The following MON1A variants were observed in gnomAD, a reference collection of about 807,000 sequenced individuals.
MON1A encodes the protein MON1 vesicular trafficking associated A.
A neutral mutation model predicts 44.6 loss-of-function variants in MON1A; 29 were observed. That is an observed-to-expected ratio of 0.65 (90% CI 0.48 to 0.89). The LOEUF (loss-of-function observed/expected upper bound fraction) is 0.89, where lower values mean the gene tolerates loss of function less well. Ranked by LOEUF, MON1A falls within the 40% of genes least tolerant of loss-of-function variation. MON1A has a pLI of 0.00. For synonymous variants in MON1A, 275 were observed against 316.4 expected, an observed-to-expected ratio of 0.87 and a Z score of 1.39; for missense variants, 615 against 759.6, an observed-to-expected ratio of 0.81 and a Z score of 2.24.
intron 1 of MON1A, among the ~76,000 whole-genome samples, chr3:49,923,050 C>T (rs902183070): frequency 2.5e-4 from 37 of 150,184 alleles, no homozygotes; most frequent in Admixed American, 2.0e-3. Context: ...GGTGAAAAAC[C>T]GTGGAGTCAG....
rs1160388783 is a variant in MON1A at position 49,910,364 on chromosome 3, G to T, written c.1134C>A (p.Phe378Leu). 1 of 1,614,246 alleles carries T rather than the reference G, an allele frequency of 6.2e-7. No homozygotes were observed. The highest frequency in any genetic ancestry group is 8.5e-7 in the Non-Finnish European group (1 of 1,180,048). ...CLPKFNAAGF[F>L]HAHISYLEPD... The stretch of plus-strand genomic sequence containing the variant: ...GCTCTAGGTAAGAGATGTGTGCGTG[G>T]AAGAAGCCGGCTGCGTTGAATTTGG... Residue 378 changes from phenylalanine to leucine, a missense_variant, in exon 4 of 6, where the codon TTC becomes TTA. Transcript: ENST00000296473. The surrounding 1 kb of genome is among the most constrained non-coding windows in gnomAD (Gnocchi z 8.0).
intron 1 of MON1A, among the ~76,000 whole-genome samples, chr3:49,922,337 C>A (rs1438790643): frequency 6.6e-6 from 1 of 151,368 alleles, no homozygotes; most frequent in Non-Finnish European, 1.5e-5. Flanking sequence ...TCCCAGCTAC[C>A]CCGGGAGGCT....
chr3:49,917,236 A>G (rs1351954172), intron 1 of MON1A, among the ~76,000 whole-genome samples: 1 of 152,232 alleles, frequency 6.6e-6, no homozygotes, highest in Non-Finnish European at 1.5e-5. Flanking sequence ...TCCTGGGATT[A>G]CAGCTGTGAG....
rs200994630 is a variant in MON1A, at chr3:49,909,210, C to G, written c.1527+43G>C. 1.9e-6 allele frequency: 3 copies of G among 1,613,394 alleles called. No individual in the cohort carries two copies. The highest frequency in any genetic ancestry group is 2.7e-5 in the African/African-American group (2 of 75,012). On this transcript the variant is annotated intron_variant, in intron 5 of 5. Coordinates refer to ENST00000296473, the MANE Select transcript of MON1A (RefSeq NM_032355.4). The surrounding 1 kb of genome is among the most constrained non-coding windows in gnomAD (Gnocchi z 4.0). ...GTTAGAGGCCCCTCATGGCCCATACCTAGGACCTCCATAAAGCCCAGCCCA... is the reference window on the plus strand; with the variant it reads ...GTTAGAGGCCCCTCATGGCCCATACGTAGGACCTCCATAAAGCCCAGCCCA...
Position 49,913,300 on chromosome 3 carries a change from C to T in MON1A, c.47G>A (p.Gly16Asp), listed in dbSNP as rs1215427174. The T allele has an allele frequency of 6.2e-7, 1 of 1,613,972 alleles. No individual in the cohort carries two copies. Among genetic ancestry groups the T allele is most frequent in the African/African-American group, 1.3e-5 (1 of 75,036 alleles). ...QRKRSSECLD[G>D]TLTPSDGQSM... ...CTGTCCATCAGAAGGAGTCAATGTG[C>T]CATCAAGGCATTCGCTGCTTCTCTT... Residue 16 changes from glycine to aspartate, a missense_variant, in exon 2 of 6, where the codon GGC (glycine) becomes GAC (aspartate). By Grantham distance (94) the Gly-to-Asp change is moderately conservative (BLOSUM62 -1). Coordinates refer to ENST00000296473, the MANE Select transcript of MON1A (RefSeq NM_032355.4).
intron 1 of MON1A, among the ~76,000 whole-genome samples, chr3:49,918,659 G>A (rs1056442793): frequency 1.3e-5 from 2 of 151,172 alleles, no homozygotes; most frequent in African/African-American, 4.9e-5. Context: ...TGATCCACCC[G>A]CCTCAGTCCC....
intron 1 of MON1A, among the ~76,000 whole-genome samples, chr3:49,927,767 G>A (rs1407372862): frequency 6.6e-6 from 1 of 152,044 alleles, no homozygotes; most frequent in African/African-American, 2.4e-5. Flanking sequence ...CAGGTATGGT[G>A]GCAGGCGCCT....
At position 49,910,487 on chromosome 3, in the gene MON1A, G is replaced by C. The variant is rs750192605; in HGVS notation, c.1011C>G (p.Asp337Glu). Residue 337 changes from aspartate (D) to glutamate (E), a missense_variant, in exon 4 of 6, where the codon GAC (aspartate) becomes GAG (glutamate). By Grantham distance (45) the Asp-to-Glu change is conservative. Coordinates refer to ENST00000296473, the MANE Select transcript of MON1A (RefSeq NM_032355.4). The surrounding 1 kb of genome is among the most constrained non-coding windows in gnomAD (Gnocchi z 8.0). ...GCAGGTCGATGGGGTGCAGAAATTG[G>C]TCCTTTCGGCGCACGAGTGCCACGA... is the stretch of plus-strand genomic sequence containing the variant. ...NQLVALVRRKDQFLHPIDLHL... is the reference protein window; with the variant it reads ...NQLVALVRRKEQFLHPIDLHL... 1 of 1,614,092 alleles carries C rather than the reference G, an allele frequency of 6.2e-7. No homozygotes were observed. The highest frequency in any genetic ancestry group is 8.5e-7 in the Non-Finnish European group (1 of 1,179,980).
At chr3:49,913,178 G>A in intron 2 of MON1A, 42 bp downstream of exon 2, 1 of 1,614,032 alleles carries the variant, frequency 6.2e-7, no homozygotes, top group East Asian at 2.2e-5. Context: ...CCTGGAGACT[G>A]CTCTGGTTGG....
In MON1A at chr3:49,911,611, C is replaced by T; in HGVS notation, c.528G>A (p.Glu176=). 1 of 1,614,136 alleles carries T rather than the reference C, an allele frequency of 6.2e-7. No individual in the cohort carries two copies. The highest frequency in any genetic ancestry group is 8.5e-7 in the Non-Finnish European group (1 of 1,179,986). ...KPVYSRYGSE[E]ALSSTMGVMV... ...TAACACCCATAGTGCTGGAAAGTGCCTCCTCAGACCCATAGCGGGAGTACA... is the reference window on the plus strand; with the variant it reads ...TAACACCCATAGTGCTGGAAAGTGCTTCCTCAGACCCATAGCGGGAGTACA... The change falls in exon 3 of 6, where the codon GAG becomes GAA. Residue 176 remains glutamate (E), a synonymous_variant. Transcript: ENST00000296473. The surrounding 1 kb of genome is among the most constrained non-coding windows in gnomAD (Gnocchi z 5.7).
rs530504616 is a variant in MON1A at position 49,909,354 on chromosome 3, G to A, written c.1426C>T (p.Leu476=). The stretch of plus-strand genomic sequence containing the variant: ...TGCAAGTACTGGTAGAGGCCCAGCA[G>A]CCGCTCCTGCTCCTCTTCACTGGTG... ...PYTSEEEQER[L]LGLYQYLHSR... Residue 476 remains leucine (L), a synonymous_variant, in exon 5 of 6, where the codon CTG becomes TTG. Transcript: ENST00000296473. This position sits in a 1 kb window ranked among gnomAD's most constrained non-coding sequence, Gnocchi z 4.0. 4.3e-6 allele frequency: 7 copies of A among 1,614,072 alleles called. No individual in the cohort carries two copies. In the South Asian group the frequency reaches 7.7e-5, roughly 18 times the overall value.
Position 49,911,980 on chromosome 3 carries a change from A to G in MON1A, c.159T>C (p.His53=), listed in dbSNP as rs752747491. 20 of 1,602,076 alleles carry G rather than the reference A, an allele frequency of 1.2e-5. No individual in the cohort carries two copies. Among genetic ancestry groups the G allele is most frequent in the East Asian group, 8.9e-5 (4 of 44,764 alleles). ...GAGQEGAMFV[H]ARSYEDLTES... is the part of the protein sequence containing the mutation. Reference sequence around the variant, plus strand: ...CAGTCAGGTCCTCGTAGGAACGGGCATGGACGAACATGGCACCCTCCTGGC... The same window carrying G: ...CAGTCAGGTCCTCGTAGGAACGGGCGTGGACGAACATGGCACCCTCCTGGC... The change falls in exon 3 of 6, where the codon CAT becomes CAC. Residue 53 remains histidine, a synonymous_variant. Transcript: ENST00000296473. This position sits in a 1 kb window ranked among gnomAD's most constrained non-coding sequence, Gnocchi z 5.7.
At chr3:49,913,455 A>AT in intron 1 of MON1A, 96 bp from the exon 2 acceptor site, 1 of 1,138,278 alleles carries the variant, frequency 8.8e-7, no homozygotes. Context: ...CTTTATCAGG[A>AT]CTCCACTAAC....
chr3:49,912,112 G>T lies in MON1A; in HGVS notation c.128-101C>A. On this transcript the variant is annotated intron_variant, in intron 2 of 5. Coordinates refer to ENST00000296473, the MANE Select transcript of MON1A (RefSeq NM_032355.4). ...TCACTCCAGCATGACTGCCTGTCTT[G>T]TTAGGATCAAGCCACTGTTCCCTTC... 3 of 1,395,762 alleles carry T rather than the reference G, an allele frequency of 2.1e-6. No individual in the cohort carries two copies. In the South Asian group the frequency reaches 4.3e-5, roughly 20 times the overall value. The allele number at this position is 1,395,762 out of a possible 1,614,324, so 86.5% of individuals were successfully genotyped here. A position where few individuals can be genotyped will look rare whatever the true frequency, so the allele number is the denominator to read the frequency against.
chr3:49,920,814 G>GCAATAAGA (rs1208825929), intron 1 of MON1A: 1 of 151,244 alleles, frequency 6.6e-6, no homozygotes. Context: ...CTCTAGCCTG[G>GCAATAAGA]GTAGCAGAGC....
At chr3:49,917,785 G>A (rs1361947123) in intron 1 of MON1A, among the ~76,000 whole-genome samples, 1 of 151,104 alleles carries the variant, frequency 6.6e-6, no homozygotes, top group African/African-American at 2.4e-5. Context: ...GGTGGCTCAC[G>A]CCTGTAATCC....
intron 1 of MON1A, among the ~76,000 whole-genome samples, chr3:49,915,160 T>C (rs985627338): frequency 3.9e-5 from 6 of 152,240 alleles, no homozygotes; most frequent in African/African-American, 7.2e-5. Flanking sequence ...ATGAAAGAAC[T>C]GATACTGAGA....
At position 49,909,992 on chromosome 3, in the gene MON1A, G is replaced by A. The variant is rs1224759539; in HGVS notation, c.1379+127C>T. On this transcript the variant is annotated intron_variant, in intron 4 of 5. Transcript: ENST00000296473. This position sits in a 1 kb window ranked among gnomAD's most constrained non-coding sequence, Gnocchi z 4.0. ...CTGGTGCCAGAGTAAAACAGGCCCA[G>A]CACACTGGTCTGCTTCCAAAGGTAG... 2.8e-6 allele frequency: 3 copies of A among 1,080,814 alleles called. No homozygotes were observed. Among genetic ancestry groups the A allele is most frequent in the African/African-American group, 1.6e-5 (1 of 63,336 alleles). The allele number at this position is 1,080,814 out of a possible 1,614,324, so 67.0% of individuals were successfully genotyped here. A position where few individuals can be genotyped will look rare whatever the true frequency, so the allele number is the denominator to read the frequency against.
rs967100936 is a variant in MON1A, at chr3:49,911,235, TAGATAGATAG to T, written c.613+281_613+290del. ...ATAGATAGATAGATAGATAGATAGA[TAGATAGATAG>T]AGTTTGTTGTTGTTGTTGTTGTTGC... On this transcript the variant is annotated intron_variant, in intron 3 of 5. Coordinates refer to ENST00000296473, the MANE Select transcript of MON1A (RefSeq NM_032355.4). This position sits in a 1 kb window ranked among gnomAD's most constrained non-coding sequence, Gnocchi z 5.7. Among the ~76,000 whole-genome samples the T allele has an allele frequency of 8.3e-6, 1 of 120,636 alleles. No homozygotes were observed. The highest frequency in any genetic ancestry group is 1.9e-5 in the Non-Finnish European group (1 of 51,844). The allele number at this position is 120,636 out of a possible 152,430, so 79.1% of individuals were successfully genotyped here.
Sources: allele counts gnomAD v4.1 joint callset (sites outside exome capture counted in the v4.1 genomes callset), GRCh38; gene constraint gnomAD v4.1.1; non-coding constraint Gnocchi (gnomAD v3.1); transcripts MANE v1.5; gene names NCBI Gene and HGNC (gene_info 2026-07-23, HGNC 2026-07-21).